The following ZC3H18 variants were observed in gnomAD, a reference collection of about 807,000 sequenced individuals.
The protein encoded by ZC3H18 is zinc finger CCCH domain-containing protein 18.
In ZC3H18, 8 loss-of-function variants were observed where a neutral mutation model predicts 106.1. The ratio of observed to expected loss-of-function variants is 0.08; its 90% CI spans 0.04 to 0.14. ZC3H18 has a LOEUF of 0.14. ZC3H18 is among the 10% of genes least tolerant of loss of function. ZC3H18 has a pLI of 1.00. For missense variants in ZC3H18, 1,318 were observed against 1,278.4 expected (o/e 1.03, Z -0.47); for synonymous variants, 635 against 522.1 (o/e 1.22, Z -2.95).
rs1345073320 is a variant in ZC3H18, at chr16:88,590,454, GTTT to G, written c.688+3773_688+3775del. Among the ~76,000 whole-genome samples the G allele has an allele frequency of 2.0e-5, 3 of 151,578 alleles. No homozygotes were observed. The East Asian group carries it at 5.8e-4, about 30-fold the overall frequency. On this transcript the variant is annotated intron_variant, in intron 3 of 17. Transcript: ENST00000301011. ...CTGGAGCTGTACTTCTTCATGGGAT[GTTT>G]TTATCTCTCGTGGGCCTGTGTTGGA...
intron 3 of ZC3H18, among the ~76,000 whole-genome samples, chr16:88,596,640 A>C (rs907170314): frequency 6.6e-6 from 1 of 151,906 alleles, no homozygotes; most frequent in African/African-American, 2.4e-5. Context: ...AGTCAGAGTG[A>C]GACTCCATCT....
intron 3 of ZC3H18, among the ~76,000 whole-genome samples, chr16:88,593,774 C>T (rs1415021414): frequency 2.6e-5 from 4 of 152,224 alleles, no homozygotes; most frequent in Admixed American, 6.5e-5. Flanking sequence ...AGGAGAACAA[C>T]GGACAGTGTT....
chr16:88,623,652 T>C, intron 10 of ZC3H18: 4 of 554,066 alleles, frequency 7.2e-6, no homozygotes, highest in Non-Finnish European at 1.3e-5. Context: ...TGTGGGTGTT[T>C]CTATGGGAGC....
At chr16:88,599,050 C>A (rs1904606099) in intron 5 of ZC3H18, among the ~76,000 whole-genome samples, 1 of 152,162 alleles carries the variant, frequency 6.6e-6, no homozygotes, top group South Asian at 2.1e-4. Flanking sequence ...CTAACTGTCT[C>A]AGGCAGCAGC....
chr16:88,582,374 G>T (rs1020653810), intron 2 of ZC3H18, among the ~76,000 whole-genome samples: 3 of 151,910 alleles, frequency 2.0e-5, no homozygotes, highest in Admixed American at 1.3e-4. Flanking sequence ...ACAGGCATCC[G>T]CCACCACGGC....
intron 6 of ZC3H18, among the ~76,000 whole-genome samples, chr16:88,603,158 G>A (rs1410747791): frequency 6.6e-6 from 1 of 151,534 alleles, no homozygotes; most frequent in Admixed American, 6.6e-5. Context: ...GTAGAGACAG[G>A]GTTTCACCAT....
intron 1 of ZC3H18, among the ~76,000 whole-genome samples, chr16:88,571,027 A>C (rs1299335116): frequency 6.6e-6 from 1 of 152,176 alleles, no homozygotes; most frequent in Non-Finnish European, 1.5e-5. Context: ...CGCAGCTTCA[A>C]AGTGTGCACA....
chr16:88,624,483 C>A, intron 11 of ZC3H18, 119 bp from the exon 12 acceptor site: 1 of 1,462,956 alleles, frequency 6.8e-7, no homozygotes, highest in Non-Finnish European at 9.3e-7. Flanking sequence ...CGAGCGTGCT[C>A]ACCGAGCGTC....
At chr16:88,613,434 G>C (rs900813928) in intron 8 of ZC3H18, among the ~76,000 whole-genome samples, 1 of 152,154 alleles carries the variant, frequency 6.6e-6, no homozygotes, top group African/African-American at 2.4e-5. Context: ...CTGTTGTGCA[G>C]AGCAGCTGCA....
chr16:88,628,866 A>G lies in ZC3H18; in HGVS notation c.2566+12A>G. 6.2e-7 allele frequency: 1 copy of G among 1,613,604 alleles called. No homozygotes were observed. Among genetic ancestry groups the G allele is most frequent in the South Asian group, 1.1e-5 (1 of 91,070 alleles). ...ATCCCCAGACCGAGGTGAGCCTCCC[A>G]GCCCCTAGGGGGCAGGGCAGAGGGA... On this transcript the variant is annotated intron_variant, in intron 16 of 17. Coordinates refer to ENST00000301011, the MANE Select transcript of ZC3H18 (RefSeq NM_144604.4).
chr16:88,587,594 A>G, intron 3 of ZC3H18: 1 of 1,535,982 alleles, frequency 6.5e-7, no homozygotes, highest in Non-Finnish European at 8.7e-7. Context: ...ATTCCATACC[A>G]TTCAGAGGCC....
chr16:88,586,416 C>T (rs939630406), intron 2 of ZC3H18, among the ~76,000 whole-genome samples, 184 bp from the exon 3 acceptor site: 12 of 152,124 alleles, frequency 7.9e-5, no homozygotes, highest in African/African-American at 1.2e-4. Context: ...TTAGAGCTGC[C>T]GGGCACGCTC....
At chr16:88,619,896 GGTGAAA>G (rs1256315723) in intron 8 of ZC3H18, among the ~76,000 whole-genome samples, 6 of 152,210 alleles carry the variant, frequency 3.9e-5, no homozygotes, top group Non-Finnish European at 8.8e-5. Flanking sequence ...GAAGTATAAA[GGTGAAA>G]GTAGCTCTCT....
At chr16:88,630,779 C>CCT (rs1906636200) in intron 17 of ZC3H18, among the ~76,000 whole-genome samples, 198 bp downstream of exon 17, 1 of 140,438 alleles carries the variant, frequency 7.1e-6, no homozygotes, top group Non-Finnish European at 1.5e-5. Context: ...CACACACACA[C>CCT]GCTCCTGCCC....
Position 88,625,209 on chromosome 16 carries a change from CTAAGCG to C in ZC3H18, c.2051_2056del (p.Leu684_Gly686delinsArg). 1.3e-6 allele frequency: 2 copies of C among 1,589,866 alleles called. No homozygotes were observed. The highest frequency in any genetic ancestry group is 1.7e-6 in the Non-Finnish European group (2 of 1,168,422). On this transcript the variant is annotated inframe_deletion, in exon 13 of 18. Coordinates refer to ENST00000301011, the MANE Select transcript of ZC3H18 (RefSeq NM_144604.4). ...CTGTTGCTTGTATTACAGGCGGACG[CTAAGCG>C]GCAGCGGCAGTGGCAGTGGTAGCAG...
At chr16:88,595,124 C>T (rs1186429797) in intron 3 of ZC3H18, among the ~76,000 whole-genome samples, 2 of 152,174 alleles carry the variant, frequency 1.3e-5, no homozygotes, top group African/African-American at 4.8e-5. Flanking sequence ...GCACTCCAGC[C>T]TGGGCAACAA....
chr16:88,602,342 G>A (rs1035089848), intron 6 of ZC3H18, among the ~76,000 whole-genome samples: 1 of 152,244 alleles, frequency 6.6e-6, no homozygotes, highest in African/African-American at 2.4e-5. Flanking sequence ...CAGTGCTCCT[G>A]ACCTGTTTTG....
chr16:88,611,647 A>G (rs1446611684), intron 8 of ZC3H18, 111 bp downstream of exon 8: 3 of 1,439,598 alleles, frequency 2.1e-6, no homozygotes, highest in East Asian at 2.5e-5. Flanking sequence ...TCTGGAGCCC[A>G]GGGGACCAGT....
chr16:88,589,558 G>T (rs1428185814), intron 3 of ZC3H18, among the ~76,000 whole-genome samples: 1 of 152,226 alleles, frequency 6.6e-6, no homozygotes, highest in Non-Finnish European at 1.5e-5. Context: ...GAGCACAGAA[G>T]GCCACAGGTC....
Sources: allele counts gnomAD v4.1 joint callset (sites outside exome capture counted in the v4.1 genomes callset), GRCh38; gene constraint gnomAD v4.1.1; transcripts MANE v1.5; gene names NCBI Gene and HGNC (gene_info 2026-07-23, HGNC 2026-07-21).